The following NF2 variants were observed in gnomAD, a reference collection of about 807,000 sequenced individuals.
NF2 encodes merlin.
Under a neutral mutation model 83.7 loss-of-function variants are expected in NF2, and 8 were observed. That is an observed-to-expected ratio of 0.10 (90% CI 0.06 to 0.17). The LOEUF (loss-of-function observed/expected upper bound fraction) is 0.17. NF2 is among the 10% of genes least tolerant of loss of function. The pLI, the probability that NF2 is intolerant of heterozygous loss-of-function variation, is 1.00. For missense variants in NF2, 533 were observed against 744.4 expected, an observed-to-expected ratio of 0.72 and a Z score of 3.31; for synonymous variants, 266 against 269.6, an observed-to-expected ratio of 0.99 and a Z score of 0.13.
At chr22:29,610,667 AAAAGC>A (rs1190613328) in intron 1 of NF2, among the ~76,000 whole-genome samples, 3 of 151,904 alleles carry the variant, frequency 2.0e-5, no homozygotes, top group African/African-American at 4.8e-5. Context: ...AAGAAGAAAG[AAAAGC>A]AAAGCAAAGC....
At chr22:29,682,312 A>C (rs1040314455) in intron 15 of NF2, among the ~76,000 whole-genome samples, 2 of 152,194 alleles carry the variant, frequency 1.3e-5, no homozygotes, top group Non-Finnish European at 2.9e-5. Context: ...GGTGTTATTA[A>C]GATAAGACTG....
chr22:29,614,079 G>A (rs546559911), intron 1 of NF2, among the ~76,000 whole-genome samples: 4 of 151,196 alleles, frequency 2.6e-5, no homozygotes, highest in Admixed American at 6.6e-5. Flanking sequence ...TCAACAAATG[G>A]AGCTGAGACA....
At position 29,627,600 on chromosome 22, in the gene NF2, T is replaced by C. The variant is rs145301719; in HGVS notation, c.115-9151T>C. Among the ~76,000 whole-genome samples, 528 of 152,266 alleles carry C rather than the reference T, an allele frequency of 3.5e-3. 3 individuals carry two copies. Among genetic ancestry groups the C allele is most frequent in the Middle Eastern group, 0.017 (5 of 294 alleles). ...ACCCAAGTCATAGACTTGTGTGTGG[T>C]TGAGGCAGAGAATCTAGGATACAGA... On this transcript the variant is annotated intron_variant, in intron 1 of 15. Coordinates refer to ENST00000338641, the MANE Select transcript of NF2 (RefSeq NM_000268.4).
chr22:29,683,653 CGGGGA>C (rs2067205439), intron 15 of NF2: 1 of 1,081,552 alleles, frequency 9.2e-7, no homozygotes, highest in African/African-American at 1.6e-5. Context: ...TGTGAGTCCA[CGGGGA>C]GTGGACTGTC....
At chr22:29,620,623 C>T (rs1233358332) in intron 1 of NF2, among the ~76,000 whole-genome samples, 1 of 151,692 alleles carries the variant, frequency 6.6e-6, no homozygotes, top group African/African-American at 2.4e-5. Flanking sequence ...CCTGTAATTC[C>T]AGCTACTTGG....
intron 15 of NF2, among the ~76,000 whole-genome samples, chr22:29,689,194 AAAAAAAG>A (rs1166069705): frequency 2.6e-5 from 4 of 151,762 alleles, no homozygotes; most frequent in Non-Finnish European, 5.9e-5. Flanking sequence ...AAAAAAAAAA[AAAAAAAG>A]AGAAAGTAAA....
rs561955125 is a variant in NF2, at chr22:29,623,141, C to T, written c.115-13610C>T. On this transcript the variant is annotated intron_variant, in intron 1 of 15. Coordinates refer to ENST00000338641, the MANE Select transcript of NF2 (RefSeq NM_000268.4). ...TAATTTTTTTGAAGAAATGGGATCC[C>T]GCTATGTTGCCTAGGCTGGTCTGGA... Among the ~76,000 whole-genome samples the T allele has an allele frequency of 8.6e-5, 13 of 151,388 alleles. No homozygotes were observed. The East Asian group carries it at 9.8e-4, about 11-fold the overall frequency.
chr22:29,655,977 T>C (rs2066294420), intron 6 of NF2, among the ~76,000 whole-genome samples: 1 of 151,964 alleles, frequency 6.6e-6, no homozygotes, highest in African/African-American at 2.4e-5. Context: ...CTTGCTCTGT[T>C]GTCCAGGCTG....
At chr22:29,632,132 A>G (rs1392862409) in intron 1 of NF2, among the ~76,000 whole-genome samples, 1 of 152,110 alleles carries the variant, frequency 6.6e-6, no homozygotes, top group Non-Finnish European at 1.5e-5. Flanking sequence ...AATTGATTTT[A>G]TGTATTTATT....
chr22:29,623,028 A>G (rs2065256202), intron 1 of NF2, among the ~76,000 whole-genome samples: 1 of 139,508 alleles, frequency 7.2e-6, no homozygotes, highest in South Asian at 2.2e-4. Flanking sequence ...ACAGCTCACT[A>G]CAGACTTGAC....
At chr22:29,606,356 C>T (rs1025273419) in intron 1 of NF2, among the ~76,000 whole-genome samples, 1 of 152,206 alleles carries the variant, frequency 6.6e-6, no homozygotes, top group Non-Finnish European at 1.5e-5. Context: ...TGCTCATCCC[C>T]CAGTTCTTGC....
chr22:29,691,461 C>T (rs2067401035), intron 15 of NF2, among the ~76,000 whole-genome samples: 1 of 152,228 alleles, frequency 6.6e-6, no homozygotes, highest in African/African-American at 2.4e-5. Context: ...ACTGATGGGC[C>T]TGCACACCTT....
intron 2 of NF2, 91 bp from the exon 3 acceptor site, chr22:29,638,999 T>G: frequency 1.3e-6 from 2 of 1,585,238 alleles, no homozygotes; most frequent in Non-Finnish European, 1.7e-6. Context: ...GGGAAAAAAA[T>G]TTAATGCACG....
intron 15 of NF2, among the ~76,000 whole-genome samples, chr22:29,691,933 A>G (rs1160297562): frequency 6.6e-6 from 1 of 152,120 alleles, no homozygotes; most frequent in East Asian, 1.9e-4. Context: ...GATAAAGGAT[A>G]CCCCCAAGGT....
intron 1 of NF2, among the ~76,000 whole-genome samples, chr22:29,622,014 C>T (rs1447787614): frequency 6.6e-6 from 1 of 152,184 alleles, no homozygotes; most frequent in African/African-American, 2.4e-5. Flanking sequence ...GCCCTCTTTC[C>T]ACTACCCTAT....
chr22:29,682,888 A>G (rs2067178536), intron 15 of NF2: 3 of 1,094,158 alleles, frequency 2.7e-6, no homozygotes, highest in Middle Eastern at 2.0e-4. Flanking sequence ...ACCCCGTTCC[A>G]AGCCATTAAA....
chr22:29,615,254 G>A (rs995426699), intron 1 of NF2, among the ~76,000 whole-genome samples: 13 of 152,146 alleles, frequency 8.5e-5, no homozygotes, highest in Admixed American at 2.6e-4. Flanking sequence ...TGGTAAGACC[G>A]TAAAATGGTG....
At position 29,664,975 on chromosome 22, in the gene NF2, G is replaced by T. The variant is rs1601630353; in HGVS notation, c.811-15G>T. On this transcript the variant is annotated splice_polypyrimidine_tract_variant and intron_variant, in intron 8 of 15. Coordinates refer to ENST00000338641, the MANE Select transcript of NF2 (RefSeq NM_000268.4). ...GGCTGTCGGACTGAAACTGTGTTCTGCTTCATTCTTCCAGTTTACTATTAA... is the reference window on the plus strand; with the variant it reads ...GGCTGTCGGACTGAAACTGTGTTCTTCTTCATTCTTCCAGTTTACTATTAA... The T allele has an allele frequency of 1.9e-6, 3 of 1,592,594 alleles. No individual in the cohort carries two copies. Among genetic ancestry groups the T allele is most frequent in the East Asian group, 2.2e-5 (1 of 44,786 alleles).
chr22:29,626,928 C>T (rs1163458196), intron 1 of NF2, among the ~76,000 whole-genome samples: 1 of 152,132 alleles, frequency 6.6e-6, no homozygotes, highest in African/African-American at 2.4e-5. Flanking sequence ...CAATAACATG[C>T]TAGGTGATAA....
Sources: allele counts gnomAD v4.1 joint callset (sites outside exome capture counted in the v4.1 genomes callset), GRCh38; gene constraint gnomAD v4.1.1; transcripts MANE v1.5; gene names NCBI Gene and HGNC (gene_info 2026-07-23, HGNC 2026-07-21).